The following GMDS variants were observed in gnomAD, a reference collection of about 807,000 sequenced individuals.
GMDS encodes GDP-mannose 4,6 dehydratase.
Under a neutral mutation model 49.9 loss-of-function variants are expected in GMDS, and 20 were observed. The ratio of observed to expected loss-of-function variants is 0.40; its 90% CI spans 0.28 to 0.58. The LOEUF is 0.58. Among genes scored for constraint, GMDS ranks in the 20% least tolerant of loss-of-function variants. GMDS has a pLI of 0.42. For missense variants in GMDS, 362 were observed against 481.4 expected, an observed-to-expected ratio of 0.75 and a Z score of 2.32; for synonymous variants, 177 against 178.6, an observed-to-expected ratio of 0.99 and a Z score of 0.07.
chr6:2,213,897 C>A (rs141620575), intron 1 of GMDS, among the ~76,000 whole-genome samples: 5 of 152,196 alleles, frequency 3.3e-5, no homozygotes, highest in African/African-American at 4.8e-5. Flanking sequence ...TTAGCAGCAA[C>A]GTCAAGATGA....
intron 7 of GMDS, among the ~76,000 whole-genome samples, chr6:1,807,817 C>A (rs1770244451): frequency 6.6e-6 from 1 of 152,084 alleles, no homozygotes. Context: ...CACAGAATAT[C>A]TTCATAATCA....
At chr6:1,992,866 C>T (rs1342760633) in intron 4 of GMDS, among the ~76,000 whole-genome samples, 2 of 152,194 alleles carry the variant, frequency 1.3e-5, no homozygotes, top group Non-Finnish European at 2.9e-5. Context: ...TGTTGATCTA[C>T]AGGAGATGAA....
intron 2 of GMDS, among the ~76,000 whole-genome samples, chr6:2,120,763 G>A (rs1288573697): frequency 6.6e-6 from 1 of 152,152 alleles, no homozygotes; most frequent in East Asian, 1.9e-4. Flanking sequence ...CTTCATTTCT[G>A]TCAATCCTCC....
intron 1 of GMDS, among the ~76,000 whole-genome samples, chr6:2,185,905 C>A (rs1216921493): frequency 6.6e-6 from 1 of 152,144 alleles, no homozygotes; most frequent in African/African-American, 2.4e-5. Context: ...TTATCTCCCC[C>A]AAAACTCTGC....
At chr6:2,014,681 T>A in intron 4 of GMDS, among the ~76,000 whole-genome samples, 1 of 151,884 alleles carries the variant, frequency 6.6e-6, no homozygotes, top group East Asian at 1.9e-4. Flanking sequence ...CTGCAAAAAA[T>A]AGAAAACTGA....
rs1301785132 is a variant in GMDS at position 2,191,579 on chromosome 6, C to T, written c.102+53742G>A. On this transcript the variant is annotated intron_variant, in intron 1 of 10. Coordinates refer to ENST00000380815, the MANE Select transcript of GMDS (RefSeq NM_001500.4). The surrounding 1 kb of genome is among the most constrained non-coding windows in gnomAD (Gnocchi z 4.6). ...GCCTACCTCCACTGTCTGGCCTCTC[C>T]CCGCTCCAGGCACCTGCTATGATCT... Among the ~76,000 whole-genome samples, 1 of 152,216 alleles carries T rather than the reference C, an allele frequency of 6.6e-6. No individual in the cohort carries two copies. Among genetic ancestry groups the T allele is most frequent in the Non-Finnish European group, 1.5e-5 (1 of 68,024 alleles).
chr6:1,699,821 G>A (rs1364794387), intron 9 of GMDS, among the ~76,000 whole-genome samples: 1 of 152,188 alleles, frequency 6.6e-6, no homozygotes, highest in Non-Finnish European at 1.5e-5. Flanking sequence ...CTTGGGGGTG[G>A]GGACATTCTC....
chr6:1,991,359 C>T (rs73427457), intron 4 of GMDS, among the ~76,000 whole-genome samples: 3,650 of 152,182 alleles, frequency 0.024, 94 homozygotes, highest in South Asian at 0.09. Flanking sequence ...TCTCCTTTCC[C>T]GCACCTGGCC....
intron 9 of GMDS, among the ~76,000 whole-genome samples, chr6:1,725,096 T>C (rs999436120): frequency 3.3e-5 from 5 of 150,364 alleles, no homozygotes; most frequent in Admixed American, 6.7e-5. Flanking sequence ...GAACAACAGA[T>C]AGGAATTTGG....
At chr6:1,909,854 C>T (rs995484127) in intron 7 of GMDS, among the ~76,000 whole-genome samples, 6 of 152,158 alleles carry the variant, frequency 3.9e-5, no homozygotes, top group Admixed American at 1.3e-4. Flanking sequence ...CTTTTCTCAC[C>T]GCTGCCCCTC....
chr6:2,034,299 A>T (rs1262613089), intron 4 of GMDS, among the ~76,000 whole-genome samples: 1 of 152,146 alleles, frequency 6.6e-6, no homozygotes, highest in Non-Finnish European at 1.5e-5. Flanking sequence ...ACTCCTATTA[A>T]AAAAAGATTA....
At chr6:1,874,521 C>G (rs894175601) in intron 7 of GMDS, among the ~76,000 whole-genome samples, 21 of 152,104 alleles carry the variant, frequency 1.4e-4, no homozygotes, top group African/African-American at 4.8e-4. Context: ...TTCCATGCTT[C>G]AAGGGTCACA....
intron 7 of GMDS, among the ~76,000 whole-genome samples, chr6:1,915,439 C>G (rs1481056907): frequency 6.6e-6 from 1 of 152,222 alleles, no homozygotes; most frequent in Non-Finnish European, 1.5e-5. Flanking sequence ...GGGCAAGCAG[C>G]AGGGGCAGCC....
At chr6:1,989,171 T>C (rs1007377314) in intron 4 of GMDS, among the ~76,000 whole-genome samples, 2 of 152,192 alleles carry the variant, frequency 1.3e-5, no homozygotes, top group African/African-American at 4.8e-5. Context: ...AGTTACAATC[T>C]GGTGGTTAAT....
intron 4 of GMDS, among the ~76,000 whole-genome samples, chr6:2,065,587 G>A (rs187009556): frequency 6.6e-6 from 1 of 152,160 alleles, no homozygotes; most frequent in Admixed American, 6.5e-5. Context: ...GGAGCTGATG[G>A]AGCTGAAAAC....
chr6:1,715,655 T>C (rs1053703557), intron 9 of GMDS, among the ~76,000 whole-genome samples: 18 of 152,364 alleles, frequency 1.2e-4, no homozygotes, highest in Non-Finnish European at 2.1e-4. Context: ...CTCATCGTTA[T>C]GTTGTAGCAG....
intron 4 of GMDS, among the ~76,000 whole-genome samples, chr6:2,097,551 G>A (rs190564358): frequency 1.3e-3 from 193 of 152,274 alleles, no homozygotes; most frequent in Admixed American, 2.4e-3. Flanking sequence ...TTAAACTGCT[G>A]TCACACACAT....
chr6:1,654,953 C>T (rs542541532), intron 9 of GMDS, among the ~76,000 whole-genome samples: 39 of 151,140 alleles, frequency 2.6e-4, no homozygotes, highest in Middle Eastern at 3.4e-3. Flanking sequence ...ACCAGCTACT[C>T]GGGAGACTGA....
chr6:2,110,007 G>A (rs1774453522), intron 4 of GMDS, among the ~76,000 whole-genome samples: 1 of 152,152 alleles, frequency 6.6e-6, no homozygotes, highest in South Asian at 2.1e-4. Flanking sequence ...ATAAATGAAT[G>A]AGCAAGAACA....
Sources: allele counts gnomAD v4.1 joint callset (sites outside exome capture counted in the v4.1 genomes callset), GRCh38; gene constraint gnomAD v4.1.1; non-coding constraint Gnocchi (gnomAD v3.1); transcripts MANE v1.5; gene names NCBI Gene and HGNC (gene_info 2026-07-23, HGNC 2026-07-21).